IFT122: variants seen among roughly 807,000 people sequenced by gnomAD.
IFT122 encodes intraflagellar transport 122.
Under a neutral mutation model 161.6 loss-of-function variants are expected in IFT122, and 118 were observed. The observed-to-expected ratio is 0.73, with a 90% CI of 0.63 to 0.85. IFT122 has a LOEUF of 0.85. IFT122 is among the 40% of genes least tolerant of loss of function. The pLI is 0.00. For synonymous variants in IFT122, 550 were observed against 602.4 expected (o/e 0.91, Z 1.27); for missense variants, 1,381 against 1,579.6 (o/e 0.87, Z 2.13).
Position 129,467,072 on chromosome 3 carries a change from T to G in IFT122, c.740+6T>G. On this transcript the variant is annotated splice_donor_region_variant and intron_variant, in intron 8 of 29. Transcript: ENST00000348417. ...AGTCCCAGGGACGACAACTTGTGAG[T>G]GTGTCCCAGTGAGTGGGAACCCTTC... 6.2e-7 allele frequency: 1 copy of G among 1,612,668 alleles called. No individual in the cohort carries two copies. Among genetic ancestry groups the G allele is most frequent in the East Asian group, 2.2e-5 (1 of 44,878 alleles).
chr3:129,455,250 G>A (rs1004712761), intron 3 of IFT122, among the ~76,000 whole-genome samples: 8 of 151,982 alleles, frequency 5.3e-5, no homozygotes, highest in Non-Finnish European at 1.0e-4. Context: ...TCGGCTCATG[G>A]CAACCTCTGA....
At chr3:129,454,385 C>G (rs1436818166) in intron 3 of IFT122, among the ~76,000 whole-genome samples, 5 of 147,730 alleles carry the variant, frequency 3.4e-5, no homozygotes, top group Non-Finnish European at 7.4e-5. Context: ...CAGAGCTAGA[C>G]TCTGTCTCTT....
chr3:129,462,024 A>G (rs1380970870), intron 5 of IFT122, among the ~76,000 whole-genome samples: 1 of 152,220 alleles, frequency 6.6e-6, no homozygotes, highest in Non-Finnish European at 1.5e-5. Context: ...TCAGAGGCCT[A>G]ATCCCTCTCA....
chr3:129,460,499 A>G (rs145009974), intron 4 of IFT122, among the ~76,000 whole-genome samples: 9 of 152,014 alleles, frequency 5.9e-5, no homozygotes, highest in East Asian at 3.9e-4. Context: ...AGCTCAAGCA[A>G]TCCTTCTCCC....
At chr3:129,499,009 C>G (rs2081224147) in intron 18 of IFT122, among the ~76,000 whole-genome samples, 3 of 152,240 alleles carry the variant, frequency 2.0e-5, no homozygotes, top group Non-Finnish European at 4.4e-5. Flanking sequence ...CATACCACTT[C>G]AGAGGTATGC....
At chr3:129,459,717 CTT>C (rs1402859889) in intron 4 of IFT122, among the ~76,000 whole-genome samples, 4,920 of 108,424 alleles carry the variant, frequency 0.045, 289 homozygotes, top group South Asian at 0.053. Context: ...TCCTTCCTTC[CTT>C]CCTTCCTTCC....
intron 9 of IFT122, among the ~76,000 whole-genome samples, chr3:129,472,049 C>T (rs1292309447): frequency 6.6e-6 from 1 of 152,228 alleles, no homozygotes; most frequent in Non-Finnish European, 1.5e-5. Flanking sequence ...GTGGTCCACC[C>T]TGCTGAAACC....
intron 20 of IFT122, 46 bp from the exon 21 acceptor site, chr3:129,504,273 G>A (rs760399736): frequency 1.8e-4 from 264 of 1,457,240 alleles, no homozygotes; most frequent in Non-Finnish European, 2.2e-4. Flanking sequence ...TTTCATGGGG[G>A]CTGCAGGGGC....
chr3:129,496,352 AG>A (rs2080842216), intron 18 of IFT122, among the ~76,000 whole-genome samples: 1 of 152,164 alleles, frequency 6.6e-6, no homozygotes, highest in Admixed American at 6.5e-5. Context: ...GTTCAGTCTA[AG>A]CAAGGTTCAA....
intron 29 of IFT122, 105 bp downstream of exon 29, chr3:129,519,837 T>C: frequency 3.0e-6 from 4 of 1,355,068 alleles, no homozygotes; most frequent in Non-Finnish European, 4.2e-6. Context: ...GGCACATCCA[T>C]GGCTCCAAGT....
chr3:129,485,145 G>A (rs898747680), intron 15 of IFT122, among the ~76,000 whole-genome samples: 3 of 152,222 alleles, frequency 2.0e-5, no homozygotes, highest in Non-Finnish European at 4.4e-5. Context: ...TAAATAGCAG[G>A]CATCTTTCTA....
At chr3:129,483,216 G>A (rs1254372305) in intron 14 of IFT122, among the ~76,000 whole-genome samples, 1 of 152,194 alleles carries the variant, frequency 6.6e-6, no homozygotes, top group Non-Finnish European at 1.5e-5. Context: ...AAAGGTATGA[G>A]CATATTTCAG....
At position 129,466,880 on chromosome 3, in the gene IFT122, C is replaced by A; in HGVS notation, c.564-10C>A. ...CAATGTAATTTTGAACAACTACTTA[C>A]TGTCTACAGCCGATGGGAGAGTTTC... On this transcript the variant is annotated splice_polypyrimidine_tract_variant and intron_variant, in intron 7 of 29. Coordinates refer to ENST00000348417, the MANE Select transcript of IFT122 (RefSeq NM_052989.3). The A allele has an allele frequency of 1.2e-6, 2 of 1,612,990 alleles. No homozygotes were observed. The highest frequency in any genetic ancestry group is 1.7e-6 in the Non-Finnish European group (2 of 1,178,902).
chr3:129,457,732 GTTT>G (rs971386664), intron 3 of IFT122, among the ~76,000 whole-genome samples: 2 of 119,602 alleles, frequency 1.7e-5, no homozygotes, highest in African/African-American at 3.4e-5. Flanking sequence ...CACAGGAATA[GTTT>G]TTTTTTTTTT....
chr3:129,449,927 G>A lies in IFT122; in HGVS notation c.98G>A (p.Ser33Asn), dbSNP rs1054271089. 1 of 1,609,370 alleles carries A rather than the reference G, an allele frequency of 6.2e-7. No individual in the cohort carries two copies. The highest frequency in any genetic ancestry group is 1.1e-5 in the South Asian group (1 of 90,970). The part of the protein sequence containing the change: ...DGTQLILAAG[S>N]RLLVYDTSDG... ...ACTCAACTGATTTTGGCTGCCGGAA[G>A]CAGATTACTGGTAGGATTTTGTCTT... Residue 33 changes from serine (S) to asparagine (N), a missense_variant, in exon 2 of 30, where the codon AGC becomes AAC. Around this residue, in one of 7 missense-constraint regions of IFT122, gnomAD observed 134 missense variants for 137.4 expected, o/e 0.98. Coordinates refer to ENST00000348417, the MANE Select transcript of IFT122 (RefSeq NM_052989.3).
At chr3:129,459,429 A>G (rs1292246591) in intron 4 of IFT122, 2 of 354,418 alleles carry the variant, frequency 5.6e-6, no homozygotes, top group South Asian at 4.2e-5. Context: ...AGCTGGGACT[A>G]TAGGCGCTCA....
intron 5 of IFT122, chr3:129,463,211 T>C (rs1014361459): frequency 4.9e-5 from 15 of 306,532 alleles, no homozygotes; most frequent in African/African-American, 3.2e-4. Context: ...AGTGTGTATA[T>C]TATATAGTTC....
chr3:129,462,038 T>G (rs2076264630), intron 5 of IFT122, among the ~76,000 whole-genome samples: 1 of 152,228 alleles, frequency 6.6e-6, no homozygotes, highest in African/African-American at 2.4e-5. Context: ...CCTCTCAGTG[T>G]TCCAGTTCCC....
intron 17 of IFT122, among the ~76,000 whole-genome samples, chr3:129,493,982 T>G (rs1490799095): frequency 6.6e-6 from 1 of 152,208 alleles, no homozygotes; most frequent in Non-Finnish European, 1.5e-5. Context: ...GCAGACTTAT[T>G]TGCACACATC....
Sources: allele counts gnomAD v4.1 joint callset (sites outside exome capture counted in the v4.1 genomes callset), GRCh38; gene constraint gnomAD v4.1.1; regional missense constraint gnomAD v4.1.1; transcripts MANE v1.5; gene names NCBI Gene and HGNC (gene_info 2026-07-23, HGNC 2026-07-21).